GPC5: variants seen among roughly 807,000 people sequenced by gnomAD.
GPC5 encodes glypican 5, also known as glypican-5.
Under a neutral mutation model 53.9 loss-of-function variants are expected in GPC5, and 47 were observed. That is an observed-to-expected ratio of 0.87 (90% CI 0.69 to 1.11). The LOEUF is 1.11. Among genes scored for constraint, GPC5 ranks in the 50% most tolerant of loss-of-function variants. The probability of loss-of-function intolerance (pLI) is 0.00; values close to 1 mark genes in which losing one functional copy is unlikely to be tolerated. For synonymous variants in GPC5, 286 were observed against 263.3 expected, an observed-to-expected ratio of 1.09 and a Z score of -0.84; for missense variants, 748 against 713.1, an observed-to-expected ratio of 1.05 and a Z score of -0.56.
intron 6 of GPC5, among the ~76,000 whole-genome samples, chr13:91,938,676 A>G (rs2039894227): frequency 6.6e-6 from 1 of 152,156 alleles, no homozygotes; most frequent in Admixed American, 6.6e-5. Flanking sequence ...ATTTCTTCCT[A>G]TAAGAAAGGT....
chr13:92,110,238 C>G, intron 6 of GPC5, among the ~76,000 whole-genome samples: 1 of 152,122 alleles, frequency 6.6e-6, no homozygotes, highest in East Asian at 1.9e-4. Flanking sequence ...AATAGAGACA[C>G]AGACTAAACA....
chr13:91,993,749 TATCTC>T (rs761177492), intron 6 of GPC5, among the ~76,000 whole-genome samples: 5 of 151,936 alleles, frequency 3.3e-5, no homozygotes, highest in Non-Finnish European at 7.3e-5. Flanking sequence ...AATCTCAAAA[TATCTC>T]ATATGTCTAG....
chr13:92,402,615 G>T (rs1352808361), intron 7 of GPC5, among the ~76,000 whole-genome samples: 1 of 152,224 alleles, frequency 6.6e-6, no homozygotes, highest in Non-Finnish European at 1.5e-5. Flanking sequence ...CATGGAACAT[G>T]CAGCCTAGAC....
chr13:92,838,268 A>T (rs1276381594), intron 7 of GPC5, among the ~76,000 whole-genome samples: 1 of 151,826 alleles, frequency 6.6e-6, no homozygotes, highest in Admixed American at 6.6e-5. Flanking sequence ...GCGGATCACG[A>T]GGTCAGGAGA....
intron 2 of GPC5, among the ~76,000 whole-genome samples, chr13:91,547,469 T>C (rs983763619): frequency 1.3e-5 from 2 of 152,096 alleles, no homozygotes; most frequent in Admixed American, 6.6e-5. Flanking sequence ...ACAACCTGAA[T>C]ATGCCTATAT....
intron 5 of GPC5, among the ~76,000 whole-genome samples, chr13:91,834,979 A>T (rs980906817): frequency 1.3e-5 from 2 of 152,178 alleles, no homozygotes; most frequent in African/African-American, 4.8e-5. Flanking sequence ...ATGGTAGAAA[A>T]TTTTTGCAAT....
chr13:91,899,717 A>G (rs1028083941), intron 5 of GPC5, among the ~76,000 whole-genome samples: 2 of 152,148 alleles, frequency 1.3e-5, no homozygotes, highest in Admixed American at 6.6e-5. Flanking sequence ...AGGAAAAGAC[A>G]CACACGGAGA....
chr13:92,353,534 G>T (rs977333179), intron 7 of GPC5, among the ~76,000 whole-genome samples: 2 of 152,136 alleles, frequency 1.3e-5, no homozygotes, highest in Admixed American at 1.3e-4. Flanking sequence ...TTATAAAATG[G>T]AGAGGTAAGA....
chr13:92,271,427 A>G (rs1398562053), intron 7 of GPC5, among the ~76,000 whole-genome samples: 1 of 152,208 alleles, frequency 6.6e-6, no homozygotes, highest in Non-Finnish European at 1.5e-5. Flanking sequence ...CCCTTGGGAC[A>G]TGTTTTCCAT....
At chr13:92,507,721 G>A (rs1211326150) in intron 7 of GPC5, among the ~76,000 whole-genome samples, 2 of 152,074 alleles carry the variant, frequency 1.3e-5, no homozygotes, top group Non-Finnish European at 2.9e-5. Context: ...AGAAAAAAAT[G>A]TCAAGGTGCC....
At chr13:91,903,527 T>C (rs1360599605) in intron 5 of GPC5, among the ~76,000 whole-genome samples, 1 of 152,172 alleles carries the variant, frequency 6.6e-6, no homozygotes, top group Non-Finnish European at 1.5e-5. Context: ...GTATCATTTC[T>C]CTTTTTTATT....
chr13:91,512,522 C>T (rs1885287692), intron 2 of GPC5, among the ~76,000 whole-genome samples: 1 of 152,236 alleles, frequency 6.6e-6, no homozygotes, highest in Non-Finnish European at 1.5e-5. Context: ...CTGATTTGTA[C>T]TGGGCCATGT....
At chr13:92,227,956 T>G (rs2042500772) in intron 7 of GPC5, among the ~76,000 whole-genome samples, 1 of 152,160 alleles carries the variant, frequency 6.6e-6, no homozygotes, top group Non-Finnish European at 1.5e-5. Context: ...TATTATGTAT[T>G]GTATACTTCC....
intron 6 of GPC5, among the ~76,000 whole-genome samples, chr13:92,130,247 C>A (rs946912227): frequency 6.6e-6 from 1 of 151,356 alleles, no homozygotes; most frequent in Admixed American, 6.6e-5. Context: ...CTAGGAGACC[C>A]GAACTACAGA....
At chr13:91,530,017 G>C (rs1251449396) in intron 2 of GPC5, among the ~76,000 whole-genome samples, 3 of 152,110 alleles carry the variant, frequency 2.0e-5, no homozygotes, top group African/African-American at 4.8e-5. Flanking sequence ...CAAGTCTTCA[G>C]ATAGCCAGTG....
rs145945843 is a variant in GPC5, at chr13:92,255,867, A to T, written c.1561+110878A>T. On this transcript the variant is annotated intron_variant, in intron 7 of 7. Transcript: ENST00000377067. Reference sequence around the variant, plus strand: ...AGTCCTATTCCAAGGATTTTCACAGACTTGCTAGCTTTAAAAAATGAGTAC... The same window carrying T: ...AGTCCTATTCCAAGGATTTTCACAGTCTTGCTAGCTTTAAAAAATGAGTAC... Among the ~76,000 whole-genome samples, 366 of 152,186 alleles carry T rather than the reference A, an allele frequency of 2.4e-3. 3 individuals are homozygous for T. Among genetic ancestry groups the T allele is most frequent in the African/African-American group, 8.4e-3 (348 of 41,554 alleles).
At chr13:91,674,376 A>ATT (rs1481972470) in intron 2 of GPC5, among the ~76,000 whole-genome samples, 3 of 148,930 alleles carry the variant, frequency 2.0e-5, no homozygotes, top group Non-Finnish European at 4.4e-5. Context: ...CCACTAACTC[A>ATT]TTATATATAT....
intron 2 of GPC5, among the ~76,000 whole-genome samples, chr13:91,688,849 A>G (rs917306518): frequency 6.6e-6 from 1 of 152,014 alleles, no homozygotes; most frequent in Non-Finnish European, 1.5e-5. Flanking sequence ...TGTGTATCTA[A>G]GCATATTTAA....
At chr13:91,634,946 T>A (rs2034250289) in intron 2 of GPC5, among the ~76,000 whole-genome samples, 1 of 152,146 alleles carries the variant, frequency 6.6e-6, no homozygotes. Flanking sequence ...TTTAACTACT[T>A]GTTCTCCCTC....
Sources: gnomAD v4.1 joint callset for allele counts (sites outside exome capture counted in the v4.1 genomes callset) on GRCh38, gnomAD v4.1.1 for gene constraint, MANE v1.5 for transcripts, NCBI Gene and HGNC (gene_info 2026-07-23, HGNC 2026-07-21) for gene names.